The following CDS2 variants were observed in gnomAD, a reference collection of about 807,000 sequenced individuals.
CDS2 encodes the protein phosphatidate cytidylyltransferase 2.
Under a neutral mutation model 59.0 loss-of-function variants are expected in CDS2, and 47 were observed. The ratio of observed to expected loss-of-function variants is 0.80; its 90% confidence interval spans 0.63 to 1.02. The LOEUF is 1.02. Among genes scored for constraint, CDS2 ranks in the 50% least tolerant of loss-of-function variants. CDS2 has a pLI of 0.00. For synonymous variants in CDS2, 207 were observed against 206.4 expected (o/e 1.00, Z -0.02); for missense variants, 356 against 558.9 (o/e 0.64, Z 3.66).
At chr20:5,187,563 A>G (rs919993759) in intron 10 of CDS2, 2 of 152,208 alleles carry the variant, frequency 1.3e-5, no homozygotes, top group Admixed American at 6.6e-5. Context: ...CTTGAAAAGG[A>G]TGAAGTGAGC....
intron 1 of CDS2, among the ~76,000 whole-genome samples, chr20:5,147,100 C>T (rs1459089058): frequency 6.6e-6 from 1 of 152,168 alleles, no homozygotes; most frequent in Non-Finnish European, 1.5e-5. Context: ...AAATGTCCCT[C>T]CTGAGGGGTC....
intron 1 of CDS2, among the ~76,000 whole-genome samples, chr20:5,138,086 C>T (rs531905466): frequency 4.6e-5 from 7 of 151,456 alleles, no homozygotes; most frequent in Admixed American, 1.3e-4. Context: ...CATGAGCCAC[C>T]GCGCCTGGCC....
chr20:5,194,399 C>T lies in CDS2; in HGVS notation c.*4165C>T, dbSNP rs2091141340. 1 of 152,342 alleles carries T rather than the reference C, an allele frequency of 6.6e-6. No homozygotes were observed. The highest frequency in any genetic ancestry group is 6.5e-5 in the Admixed American group (1 of 15,294). The allele number at this position is 152,342 out of a possible 1,614,324, so 9.4% of individuals were successfully genotyped here. On this transcript the variant is annotated 3_prime_UTR_variant, in exon 13 of 13. Coordinates refer to ENST00000460006, the MANE Select transcript of CDS2 (RefSeq NM_003818.4). ...CTCTTGGGCCTGGACTCTCCTTATCCACATCCCTGCAGAAGGTGGGCCCTA... is the reference window on the plus strand; with the variant it reads ...CTCTTGGGCCTGGACTCTCCTTATCTACATCCCTGCAGAAGGTGGGCCCTA...
Position 5,148,741 on chromosome 20 carries a change from C to T in CDS2, c.57+21592C>T, listed in dbSNP as rs181520158. Among the ~76,000 whole-genome samples the T allele has an allele frequency of 3.5e-4, 53 of 152,320 alleles. 1 individual carries two copies. The highest frequency in any genetic ancestry group is 2.9e-3 in the Admixed American group (44 of 15,302). Reference sequence around the variant, plus strand: ...GCACCGTGGTTGGGTCAATATCTGTCCCCTCTTGTGATTTTGGGAGCGTAA... The same window carrying T: ...GCACCGTGGTTGGGTCAATATCTGTTCCCTCTTGTGATTTTGGGAGCGTAA... On this transcript the variant is annotated intron_variant, in intron 1 of 12. Coordinates refer to ENST00000460006, the MANE Select transcript of CDS2 (RefSeq NM_003818.4).
At chr20:5,160,035 A>C (rs796161281) in intron 1 of CDS2, among the ~76,000 whole-genome samples, 5 of 152,154 alleles carry the variant, frequency 3.3e-5, no homozygotes, top group African/African-American at 1.2e-4. Flanking sequence ...TCTTCATTTT[A>C]GTTTTTGACT....
intron 1 of CDS2, among the ~76,000 whole-genome samples, chr20:5,171,844 G>A (rs151104366): frequency 3.6e-4 from 55 of 152,354 alleles, no homozygotes; most frequent in African/African-American, 1.3e-3. Flanking sequence ...AGAGTAGGGA[G>A]CAGTCTGTGT....
intron 1 of CDS2, among the ~76,000 whole-genome samples, chr20:5,156,570 A>T (rs67743573): frequency 0.073 from 11,167 of 152,202 alleles, 470 homozygotes; most frequent in Middle Eastern, 0.16. Flanking sequence ...AGGAGGAAGA[A>T]CTGAGAAGAT....
At position 5,184,002 on chromosome 20, in the gene CDS2, C is replaced by G. The variant is rs112062661; in HGVS notation, c.672-856C>G. Among the ~76,000 whole-genome samples, 95 of 152,084 alleles carry G rather than the reference C, an allele frequency of 6.2e-4. No homozygotes were observed. Among genetic ancestry groups the G allele is most frequent in the African/African-American group, 2.1e-3 (87 of 41,500 alleles). On this transcript the variant is annotated intron_variant, in intron 7 of 12. Coordinates refer to ENST00000460006, the MANE Select transcript of CDS2 (RefSeq NM_003818.4). This position sits in a 1 kb window ranked among gnomAD's most constrained non-coding sequence, Gnocchi z 4.3. ...GAAATCCCCGTCTCTACTAAAAATA[C>G]AAAAAAATAGCTGGTGTGGTGGCGT...
In CDS2 at chr20:5,176,689, T is replaced by C; in HGVS notation, c.333T>C (p.Thr111=). Residue 111 remains threonine (T), a synonymous_variant, in exon 4 of 13, where the codon ACT becomes ACC. Transcript: ENST00000460006. ...TTAAGTGTTTCCATGAGATAATCAC[T>C]ATTGGCTACAACGTCTACCACTCAT... ...VQIKCFHEII[T]IGYNVYHSYD... The C allele has an allele frequency of 6.2e-7, 1 of 1,614,190 alleles. No individual in the cohort carries two copies. The highest frequency in any genetic ancestry group is 8.5e-7 in the Non-Finnish European group (1 of 1,179,980).
rs746847715 is a variant in CDS2, at chr20:5,189,716, C to G, written c.1102-19C>G. On this transcript the variant is annotated intron_variant, in intron 11 of 12. Transcript: ENST00000460006. ...GTGGCTGAGCCCAAGTTCACCCATCCTTCCCCTGCCTCTAACAGGACTTTG... is the reference window on the plus strand; with the variant it reads ...GTGGCTGAGCCCAAGTTCACCCATCGTTCCCCTGCCTCTAACAGGACTTTG... 2 of 1,600,052 alleles carry G rather than the reference C, an allele frequency of 1.2e-6. No homozygotes were observed. Among genetic ancestry groups the G allele is most frequent in the Non-Finnish European group, 1.7e-6 (2 of 1,168,152 alleles).
chr20:5,160,048 C>CT (rs2090865131), intron 1 of CDS2, among the ~76,000 whole-genome samples: 1 of 151,382 alleles, frequency 6.6e-6, no homozygotes. Flanking sequence ...TTTTGACTGG[C>CT]TGCTCATATG....
chr20:5,165,434 G>A (rs1182963399), intron 1 of CDS2, among the ~76,000 whole-genome samples: 2 of 152,246 alleles, frequency 1.3e-5, no homozygotes, highest in Admixed American at 6.5e-5. Flanking sequence ...TGCAGATGTG[G>A]TTCTAGGTGC....
At chr20:5,148,824 T>C (rs1247843012) in intron 1 of CDS2, among the ~76,000 whole-genome samples, 3 of 152,222 alleles carry the variant, frequency 2.0e-5, no homozygotes, top group African/African-American at 4.8e-5. Flanking sequence ...AGTTTTCTCT[T>C]GAACAGTTGC....
chr20:5,150,470 C>G (rs2090779870), intron 1 of CDS2, among the ~76,000 whole-genome samples: 1 of 152,230 alleles, frequency 6.6e-6, no homozygotes, highest in South Asian at 2.1e-4. Context: ...GCCAAAGAGC[C>G]CCTAACACAG....
At position 5,183,151 on chromosome 20, in the gene CDS2, TTGGGAGTTGGA is replaced by T; in HGVS notation, c.671+10_671+20del. ...ATTTGAAGGAATGATCTGGTGAGAA[TTGGGAGTTGGA>T]TTTTCCCTTTTATTTTGTGAGTGTT... On this transcript the variant is annotated intron_variant, in intron 7 of 12. Transcript: ENST00000460006. 1 of 1,611,572 alleles carries T rather than the reference TTGGGAGTTGGA, an allele frequency of 6.2e-7. No homozygotes were observed. The highest frequency in any genetic ancestry group is 8.5e-7 in the Non-Finnish European group (1 of 1,177,698).
At chr20:5,172,717 T>C (rs2090965076) in intron 1 of CDS2, among the ~76,000 whole-genome samples, 1 of 152,222 alleles carries the variant, frequency 6.6e-6, no homozygotes, top group Admixed American at 6.5e-5. Flanking sequence ...AGTAGTGTTG[T>C]TACTCTAAGT....
intron 1 of CDS2, among the ~76,000 whole-genome samples, chr20:5,170,913 A>G (rs1234001837): frequency 2.0e-5 from 3 of 152,264 alleles, no homozygotes; most frequent in Non-Finnish European, 4.4e-5. Flanking sequence ...ACAAACTACC[A>G]TCAGAGAGTA....
chr20:5,132,920 C>T lies in CDS2; in HGVS notation c.57+5771C>T, dbSNP rs113929380. Among the ~76,000 whole-genome samples the T allele has an allele frequency of 3.3e-3, 504 of 152,170 alleles. 2 individuals are homozygous for T. Among genetic ancestry groups the T allele is most frequent in the African/African-American group, 0.011 (465 of 41,496 alleles). On this transcript the variant is annotated intron_variant, in intron 1 of 12. Transcript: ENST00000460006. Reference sequence around the variant, plus strand: ...GGGCGCGGTGGCTCACGCCTGTAATCCCAGCACTTTGGGAGGCTGAGGCGG... The same window carrying T: ...GGGCGCGGTGGCTCACGCCTGTAATTCCAGCACTTTGGGAGGCTGAGGCGG...
At chr20:5,156,423 A>G (rs1276913688) in intron 1 of CDS2, among the ~76,000 whole-genome samples, 1 of 152,108 alleles carries the variant, frequency 6.6e-6, no homozygotes, top group South Asian at 2.1e-4. Flanking sequence ...GAAAGTTTGC[A>G]CTGGAGCTTG....
Sources: gnomAD v4.1 joint callset for allele counts (sites outside exome capture counted in the v4.1 genomes callset) on GRCh38, gnomAD v4.1.1 for gene constraint, Gnocchi (gnomAD v3.1) non-coding constraint, MANE v1.5 for transcripts, NCBI Gene and HGNC (gene_info 2026-07-23, HGNC 2026-07-21) for gene names.